Variants in TNRC6C observed in about 807,000 individuals in gnomAD.
TNRC6C encodes trinucleotide repeat containing adaptor 6C.
TNRC6C carries 20 observed loss-of-function variants against 153.7 expected under a neutral mutation model. The ratio of observed to expected loss-of-function variants is 0.13; its 90% confidence interval spans 0.09 to 0.19. The LOEUF is 0.19. Ranked by LOEUF, TNRC6C falls within the 10% of genes least tolerant of loss-of-function variation. TNRC6C has a pLI of 1.00. For missense variants in TNRC6C, 1,987 were observed against 2,172.0 expected, an observed-to-expected ratio of 0.91 and a Z score of 1.69; for synonymous variants, 811 against 841.4, an observed-to-expected ratio of 0.96 and a Z score of 0.63.
rs556749710 is a variant in TNRC6C at position 77,989,949 on chromosome 17, T to A, written c.-37-14221T>A. On this transcript the variant is annotated intron_variant, in intron 1 of 22. Transcript: ENST00000636222. Reference sequence around the variant, plus strand: ...TCCTGAAATTTTTCTCCAGTCTGGATCTTTCCTGTGAACTCTGGAATTTTA... The same window carrying A: ...TCCTGAAATTTTTCTCCAGTCTGGAACTTTCCTGTGAACTCTGGAATTTTA... 2.6e-5 allele frequency among the ~76,000 whole-genome samples: 4 copies of A among 152,352 alleles called. No individual in the cohort carries two copies. The South Asian group carries it at 6.2e-4, about 24-fold the overall frequency.
intron 11 of TNRC6C, among the ~76,000 whole-genome samples, chr17:78,084,172 T>C (rs2073232614): frequency 6.6e-6 from 1 of 151,750 alleles, no homozygotes; most frequent in South Asian, 2.1e-4. Flanking sequence ...TAATCCCAGC[T>C]ATTCGGGAGG....
chr17:78,051,476 C>T (rs1355441302), intron 3 of TNRC6C, 28 bp downstream of exon 5: 1 of 787,140 alleles, frequency 1.3e-6, no homozygotes, highest in East Asian at 3.8e-5. Flanking sequence ...TGTTTCTTTA[C>T]AAGTAAAAAA....
intron 1 of TNRC6C, among the ~76,000 whole-genome samples, chr17:77,962,053 A>G (rs1048240959): frequency 1.3e-5 from 2 of 152,152 alleles, no homozygotes; most frequent in African/African-American, 2.4e-5. Context: ...GCTGGGAATG[A>G]GGTATTTACA....
chr17:78,085,781 T>G (rs561583564), intron 11 of TNRC6C, among the ~76,000 whole-genome samples: 6 of 149,106 alleles, frequency 4.0e-5, no homozygotes, highest in Non-Finnish European at 7.5e-5. Context: ...TACCAGTGTT[T>G]CACATTGTCT....
chr17:78,046,412 A>T (rs1598729285), intron 2 of TNRC6C, among the ~76,000 whole-genome samples: 3 of 152,118 alleles, frequency 2.0e-5, no homozygotes, highest in Non-Finnish European at 1.5e-5. Context: ...TCCTGACCTC[A>T]GGTGATCCAC....
chr17:78,080,767 C>A (rs146897253), intron 10 of TNRC6C, among the ~76,000 whole-genome samples: 1 of 152,132 alleles, frequency 6.6e-6, no homozygotes, highest in Non-Finnish European at 1.5e-5. Context: ...GAAGTACTTA[C>A]AACATTCTAG....
intron 2 of TNRC6C, among the ~76,000 whole-genome samples, chr17:78,042,807 C>T (rs996389657): frequency 2.7e-5 from 4 of 149,756 alleles, no homozygotes; most frequent in Non-Finnish European, 5.9e-5. Flanking sequence ...TTGGTGATGA[C>T]GGTGTTGGTG....
rs775883392 is a variant in TNRC6C at position 78,092,957 on chromosome 17, T to C, written c.3995T>C (p.Ile1332Thr). 23 of 1,613,906 alleles carry C rather than the reference T, an allele frequency of 1.4e-5. No homozygotes were observed. Among genetic ancestry groups the C allele is most frequent in the East Asian group, 2.2e-5 (1 of 44,884 alleles). The change falls in exon 15 of 20, where the codon ATT becomes ACT. Residue 1332 changes from isoleucine to threonine, a missense_variant. By Grantham distance (89) the Ile-to-Thr change is moderately conservative (BLOSUM62 -1). This residue lies in a region of TNRC6C where 765 missense variants were observed against 908.6 expected (regional missense o/e 0.84). Transcript: ENST00000301624. ...GGTGCTATCCCTGGAGGTCTAAGCA[T>C]TGGGCCTCCAGGTAAGTCCTCCATT...
At chr17:78,031,628 T>C (rs2072076351) in exon 2 of TNRC6C, 1 of 1,232,318 alleles carries the variant, frequency 8.1e-7, no homozygotes, top group Non-Finnish European at 1.0e-6. Context: ...CATCTGCCAG[T>C]GGCCAGCAGC....
At chr17:78,064,829 G>A (rs1385794492) in exon 4 of TNRC6C, 1 of 1,613,630 alleles carries the variant, frequency 6.2e-7, no homozygotes, top group African/African-American at 1.3e-5. Context: ...AGCAGCATGG[G>A]GGAAGCCACC....
At chr17:78,046,478 G>A (rs1389595286) in intron 2 of TNRC6C, among the ~76,000 whole-genome samples, 1 of 152,132 alleles carries the variant, frequency 6.6e-6, no homozygotes, top group African/African-American at 2.4e-5. Context: ...GCGCCTGGCC[G>A]GGAATTCTTT....
chr17:78,083,446 C>T (rs2073218351), intron 11 of TNRC6C, among the ~76,000 whole-genome samples: 1 of 152,222 alleles, frequency 6.6e-6, no homozygotes, highest in Admixed American at 6.5e-5. Flanking sequence ...AAGGGATCCT[C>T]CCACCTCAGC....
chr17:77,984,828 G>GCA (rs56781955), intron 1 of TNRC6C, among the ~76,000 whole-genome samples: 10,428 of 149,616 alleles, frequency 0.07, 885 homozygotes, highest in African/African-American at 0.21. Flanking sequence ...CCTCTTATAC[G>GCA]CACACACACA....
chr17:78,033,358 G>A (rs1314666983), intron 2 of TNRC6C, among the ~76,000 whole-genome samples: 1 of 152,106 alleles, frequency 6.6e-6, no homozygotes, highest in Non-Finnish European at 1.5e-5. Context: ...AATACTCCTA[G>A]TTCATAGTCC....
chr17:78,018,235 T>A (rs1185893790), intron 1 of TNRC6C, among the ~76,000 whole-genome samples: 2 of 152,240 alleles, frequency 1.3e-5, no homozygotes, highest in Admixed American at 1.3e-4. Context: ...CAAGTGATTC[T>A]TCTGCCTTAG....
chr17:78,001,898 T>C (rs946458320), upstream of TNRC6C, among the ~76,000 whole-genome samples: 1 of 152,128 alleles, frequency 6.6e-6, no homozygotes, highest in South Asian at 2.1e-4. Context: ...TAAGATTATA[T>C]TTACAAATGT....
intron 1 of TNRC6C, among the ~76,000 whole-genome samples, chr17:77,985,096 G>A (rs978919850): frequency 6.6e-6 from 1 of 152,154 alleles, no homozygotes; most frequent in Non-Finnish European, 1.5e-5. Flanking sequence ...AGTTAAATAA[G>A]ACAGGTGTAT....
In TNRC6C at chr17:78,079,335, T is replaced by A; in HGVS notation, c.3211-60T>A. ...TTGAAATAGATCATTTCACCCTACCTCCAAACAATGTTACTCTAATGCCTG... is the reference window on the plus strand; with the variant it reads ...TTGAAATAGATCATTTCACCCTACCACCAAACAATGTTACTCTAATGCCTG... On this transcript the variant is annotated intron_variant, in intron 9 of 19. Coordinates refer to ENST00000301624, the Ensembl canonical transcript of TNRC6C. The surrounding 1 kb of genome is among the most constrained non-coding windows in gnomAD (Gnocchi z 4.3). The A allele has an allele frequency of 1.3e-6, 2 of 1,591,066 alleles. No homozygotes were observed. The highest frequency in any genetic ancestry group is 8.6e-7 in the Non-Finnish European group (1 of 1,162,236).
intron 15 of TNRC6C, 72 bp from the exon 18 acceptor site, chr17:78,093,548 A>C: frequency 1.3e-6 from 2 of 1,571,258 alleles, no homozygotes; most frequent in South Asian, 2.3e-5. Flanking sequence ...AGGACAAAAC[A>C]TCTTTTAAAA....
Sources: gnomAD v4.1 joint callset for allele counts (sites outside exome capture counted in the v4.1 genomes callset) on GRCh38, gnomAD v4.1.1 for gene constraint, gnomAD v4.1.1 regional missense constraint, Gnocchi (gnomAD v3.1) non-coding constraint, MANE v1.5 for transcripts, NCBI Gene and HGNC (gene_info 2026-07-23, HGNC 2026-07-21) for gene names.